Variants in GNA12 observed in about 807,000 individuals in gnomAD.
GNA12 encodes the protein G protein subunit alpha 12, also known as guanine nucleotide-binding protein subunit alpha-12.
In GNA12, 9 loss-of-function variants were observed where a neutral mutation model predicts 26.0. The observed-to-expected ratio is 0.35, with a 90% CI of 0.21 to 0.60. The LOEUF (loss-of-function observed/expected upper bound fraction) is 0.60, where lower values mean the gene tolerates loss of function less well. Ranked by LOEUF, GNA12 falls within the 20% of genes least tolerant of loss-of-function variation. GNA12 has a pLI of 0.78. For missense variants in GNA12, 405 were observed against 525.8 expected, an observed-to-expected ratio of 0.77 and a Z score of 2.25; for synonymous variants, 264 against 219.6, an observed-to-expected ratio of 1.20 and a Z score of -1.79.
chr7:2,830,623 G>A (rs912425686), intron 1 of GNA12, among the ~76,000 whole-genome samples: 2 of 152,206 alleles, frequency 1.3e-5, no homozygotes, highest in African/African-American at 4.8e-5. Flanking sequence ...GATAAGGGAT[G>A]GCAGGAGAGG....
At position 2,730,616 on chromosome 7, in the gene GNA12, C is replaced by G. The variant is rs1789839632; in HGVS notation, c.*565G>C. 1 of 152,828 alleles carries G rather than the reference C, an allele frequency of 6.5e-6. No individual in the cohort carries two copies. Among genetic ancestry groups the G allele is most frequent in the Admixed American group, 6.5e-5 (1 of 15,330 alleles). 9.5% of individuals were successfully genotyped at this position (152,828 alleles called of 1,614,324 possible). A position where few individuals can be genotyped will look rare whatever the true frequency, so the allele number is the denominator to read the frequency against. On this transcript the variant is annotated 3_prime_UTR_variant, in exon 4 of 4. Coordinates refer to ENST00000275364, the MANE Select transcript of GNA12 (RefSeq NM_007353.3). ...CGGGAGTTTGAAAAGGCAACGTGCT[C>G]CCTTTGGGAGGTGGCCTTCAGACAC...
chr7:2,730,849 C>T lies in GNA12; in HGVS notation c.*332G>A, dbSNP rs1479773257. On this transcript the variant is annotated 3_prime_UTR_variant, in exon 4 of 4. Transcript: ENST00000275364. The stretch of plus-strand genomic sequence containing the variant: ...CGTGTGTACACACATACACACACAA[C>T]ACGGTCCTCAATTAAACTGCGTCAG... 1 of 267,252 alleles carries T rather than the reference C, an allele frequency of 3.7e-6. No homozygotes were observed. Among genetic ancestry groups the T allele is most frequent in the Non-Finnish European group, 6.9e-6 (1 of 144,640 alleles). 16.6% of individuals were successfully genotyped at this position (267,252 alleles called of 1,614,324 possible). A position where few individuals can be genotyped will look rare whatever the true frequency, so the allele number is the denominator to read the frequency against.
chr7:2,736,454 A>G (rs1403621298), intron 2 of GNA12, among the ~76,000 whole-genome samples: 2 of 152,208 alleles, frequency 1.3e-5, no homozygotes, highest in Non-Finnish European at 2.9e-5. Context: ...CCCTGCCTCA[A>G]CTGTCCCACG....
intron 1 of GNA12, among the ~76,000 whole-genome samples, chr7:2,822,456 T>C (rs894398713): frequency 1.3e-5 from 2 of 152,130 alleles, no homozygotes; most frequent in South Asian, 2.1e-4. Flanking sequence ...CTGATAAAGA[T>C]TGAAGGGCCA....
At chr7:2,814,262 C>G (rs1347211776) in intron 1 of GNA12, 7 of 928,794 alleles carry the variant, frequency 7.5e-6, no homozygotes, top group African/African-American at 1.6e-5. Context: ...AGAATCCTGA[C>G]TGAGATCAGG....
chr7:2,812,636 A>AACATCACATCATCACATC (rs1554262402), intron 1 of GNA12, among the ~76,000 whole-genome samples: 6 of 134,094 alleles, frequency 4.5e-5, no homozygotes, highest in Non-Finnish European at 8.2e-5. Flanking sequence ...TCTCAAAAAT[A>AACATCACATCATCACATC]ACATCACATC....
intron 2 of GNA12, among the ~76,000 whole-genome samples, chr7:2,758,785 G>GA (rs1791419760): frequency 6.6e-6 from 1 of 152,200 alleles, no homozygotes; most frequent in Non-Finnish European, 1.5e-5. Flanking sequence ...ATCAAGTGCA[G>GA]TTTACTCATC....
chr7:2,770,788 T>C (rs914353191), intron 2 of GNA12, among the ~76,000 whole-genome samples: 1 of 152,192 alleles, frequency 6.6e-6, no homozygotes, highest in Non-Finnish European at 1.5e-5. Flanking sequence ...CGTAGGACGA[T>C]TACAAATCAG....
At chr7:2,737,624 C>A (rs1790274907) in intron 2 of GNA12, among the ~76,000 whole-genome samples, 3 of 152,244 alleles carry the variant, frequency 2.0e-5, no homozygotes, top group Admixed American at 1.3e-4. Context: ...GAGGTTAACT[C>A]TAAAATCCTA....
Position 2,814,326 on chromosome 7 carries a change from G to A in GNA12, c.310-19183C>T, listed in dbSNP as rs749784913. 8 of 1,579,088 alleles carry A rather than the reference G, an allele frequency of 5.1e-6. No individual in the cohort carries two copies. In the East Asian group the frequency reaches 1.6e-4, roughly 31 times the overall value. The stretch of plus-strand genomic sequence containing the variant: ...GTGAGACTCACCCTGGACCCAGGGT[G>A]TGCAATGAGTAGGTGCTCAAAACGG... On this transcript the variant is annotated intron_variant, in intron 1 of 3. Coordinates refer to ENST00000275364, the MANE Select transcript of GNA12 (RefSeq NM_007353.3).
At chr7:2,733,398 A>G in intron 3 of GNA12, 53 bp downstream of exon 3, 1 of 1,437,742 alleles carries the variant, frequency 7.0e-7, no homozygotes, top group Non-Finnish European at 9.4e-7. Context: ...TGGTCTCTGG[A>G]CACGTTTTCT....
chr7:2,815,535 A>C lies in GNA12; in HGVS notation c.310-20392T>G, dbSNP rs149384208. Among the ~76,000 whole-genome samples, 1,508 of 152,346 alleles carry C rather than the reference A, an allele frequency of 9.9e-3. 12 individuals are homozygous for C. Among genetic ancestry groups the C allele is most frequent in the Middle Eastern group, 0.075 (22 of 294 alleles). ...GCCTCTGCCAACCACCCCAGGGCCA[A>C]GCACTGGACAACCAGGGACCACCCT... On this transcript the variant is annotated intron_variant, in intron 1 of 3. Coordinates refer to ENST00000275364, the MANE Select transcript of GNA12 (RefSeq NM_007353.3).
intron 2 of GNA12, among the ~76,000 whole-genome samples, chr7:2,791,057 T>C (rs1792505564): frequency 6.6e-6 from 1 of 152,006 alleles, no homozygotes; most frequent in African/African-American, 2.4e-5. Context: ...GTAGGCAATA[T>C]CATCCACATA....
At chr7:2,839,190 T>C (rs1030870011) in intron 1 of GNA12, among the ~76,000 whole-genome samples, 17 of 152,156 alleles carry the variant, frequency 1.1e-4, no homozygotes, top group South Asian at 2.1e-4. Context: ...TCTCTGTCCA[T>C]AGTGGAGTCG....
In GNA12 at chr7:2,772,321, G is replaced by T. The variant is rs1239721147; in HGVS notation, c.525+22607C>A. ...TCACGCCTGTAATCCCAGCACTTGG[G>T]GAGGCAGAGGCAGGCGGATCACGAG... is the stretch of plus-strand genomic sequence containing the variant. On this transcript the variant is annotated intron_variant, in intron 2 of 3. Coordinates refer to ENST00000275364, the MANE Select transcript of GNA12 (RefSeq NM_007353.3). Among the ~76,000 whole-genome samples the T allele has an allele frequency of 2.6e-5, 4 of 152,178 alleles. No homozygotes were observed. In the East Asian group the frequency reaches 7.7e-4, roughly 29 times the overall value.
At chr7:2,743,366 A>C (rs1427229330) in intron 2 of GNA12, among the ~76,000 whole-genome samples, 4 of 152,336 alleles carry the variant, frequency 2.6e-5, no homozygotes, top group Non-Finnish European at 5.9e-5. Context: ...CCCAAGATAT[A>C]ATTAAATTAT....
At chr7:2,838,551 T>C (rs1385484311) in intron 1 of GNA12, among the ~76,000 whole-genome samples, 1 of 152,164 alleles carries the variant, frequency 6.6e-6, no homozygotes, top group Non-Finnish European at 1.5e-5. Context: ...GCCACTGCGC[T>C]TCAGCCTAGG....
At chr7:2,733,193 A>C (rs1789987188) in intron 3 of GNA12, among the ~76,000 whole-genome samples, 1 of 152,198 alleles carries the variant, frequency 6.6e-6, no homozygotes, top group Admixed American at 6.5e-5. Context: ...AGATAAAGGA[A>C]GTCCTCCTTT....
chr7:2,832,341 A>C (rs1016463690), intron 1 of GNA12, among the ~76,000 whole-genome samples: 2 of 152,174 alleles, frequency 1.3e-5, no homozygotes, highest in African/African-American at 4.8e-5. Context: ...CACACAGCAG[A>C]GCACAAAGCC....
Sources: allele counts gnomAD v4.1 joint callset (sites outside exome capture counted in the v4.1 genomes callset), GRCh38; gene constraint gnomAD v4.1.1; transcripts MANE v1.5; gene names NCBI Gene and HGNC (gene_info 2026-07-23, HGNC 2026-07-21).